Variants in RMDN2 observed in about 807,000 individuals in gnomAD.
RMDN2 encodes regulator of microtubule dynamics 2, also known as regulator of microtubule dynamics protein 2.
RMDN2 carries 61 observed loss-of-function variants against 52.8 expected under a neutral mutation model. The ratio of observed to expected loss-of-function variants is 1.16; its 90% confidence interval spans 0.94 to 1.43. The LOEUF is 1.43. RMDN2 is among the 40% of genes most tolerant of loss of function. RMDN2 has a pLI of 0.00. For missense variants in RMDN2, 592 were observed against 475.3 expected (o/e 1.25, Z -2.28); for synonymous variants, 180 against 153.1 (o/e 1.18, Z -1.30).
chr2:38,019,272 T>C (rs187761065), downstream of RMDN2, among the ~76,000 whole-genome samples: 75 of 152,342 alleles, frequency 4.9e-4, no homozygotes, highest in African/African-American at 1.8e-3. Context: ...CTTTACGAAT[T>C]ATGAGGACTA....
At chr2:38,040,939 G>A (rs1038362660) in intron 10 of RMDN2, among the ~76,000 whole-genome samples, 1 of 152,050 alleles carries the variant, frequency 6.6e-6, no homozygotes. Flanking sequence ...TACATATTTT[G>A]TTAGATTTTT....
chr2:38,037,408 G>C (rs1345234808), intron 10 of RMDN2, among the ~76,000 whole-genome samples: 2 of 152,218 alleles, frequency 1.3e-5, no homozygotes, highest in Non-Finnish European at 2.9e-5. Context: ...GTGAAGACTT[G>C]CTGACTATTC....
downstream of RMDN2, among the ~76,000 whole-genome samples, chr2:38,021,523 C>G (rs1679378414): frequency 1.3e-5 from 2 of 152,124 alleles, no homozygotes; most frequent in African/African-American, 2.4e-5. Flanking sequence ...AGCGAGACCA[C>G]AAACCCACCA....
chr2:37,928,813 A>T (rs919939990), intron 1 of RMDN2: 1 of 152,152 alleles, frequency 6.6e-6, no homozygotes, highest in Non-Finnish European at 1.5e-5. Flanking sequence ...GGCAAAAAAA[A>T]CCTGTTATTT....
At position 37,934,523 on chromosome 2, in the gene RMDN2, G is replaced by T. The variant is rs190405223; in HGVS notation, c.452+4794G>T. On this transcript the variant is annotated intron_variant, in intron 2 of 10. Transcript: ENST00000354545. ...CTTTGCTTCTTGGTAATCACATGTT[G>T]TTACTGATTTATTTATTTATATTTT... 7.0e-3 allele frequency among the ~76,000 whole-genome samples: 1,064 copies of T among 152,100 alleles called. 11 individuals carry two copies. The highest frequency in any genetic ancestry group is 0.036 in the East Asian group (185 of 5,178).
In RMDN2 at chr2:38,065,464, G is replaced by C. The variant is rs985647584; in HGVS notation, c.1714-1518G>C. On this transcript the variant is annotated intron_variant, in intron 10 of 10. Transcript: ENST00000234195. The stretch of plus-strand genomic sequence containing the variant: ...TCTGACCCAAAGGGATCTCAGTGCT[G>C]TTAGGCTTCTACTGTATAACATTGT... 4.6e-5 allele frequency among the ~76,000 whole-genome samples: 7 copies of C among 152,232 alleles called. No individual in the cohort carries two copies. In the East Asian group the frequency reaches 1.2e-3, roughly 25 times the overall value.
exon 11 of RMDN2, chr2:38,067,101 A>T: frequency 2.9e-6 from 3 of 1,035,752 alleles, no homozygotes; most frequent in Non-Finnish European, 4.5e-6. Context: ...TATTTTTACC[A>T]AGTAAAAAGA....
chr2:37,942,158 G>C (rs1250484779), intron 2 of RMDN2, among the ~76,000 whole-genome samples: 1 of 152,118 alleles, frequency 6.6e-6, no homozygotes, highest in Non-Finnish European at 1.5e-5. Flanking sequence ...AGGGGAGGGA[G>C]TTCTCCGACC....
At chr2:38,029,198 C>G (rs538623836) in intron 10 of RMDN2, 3 of 152,550 alleles carry the variant, frequency 2.0e-5, no homozygotes, top group Non-Finnish European at 4.4e-5. Flanking sequence ...CAACTGCACA[C>G]ACACACTGTC....
chr2:37,954,967 A>C (rs1669268924), intron 2 of RMDN2, among the ~76,000 whole-genome samples: 1 of 152,120 alleles, frequency 6.6e-6, no homozygotes, highest in Non-Finnish European at 1.5e-5. Context: ...TTATAAGTGA[A>C]ATTATTTTTT....
At chr2:38,000,114 A>C (rs1365762763) in intron 8 of RMDN2, among the ~76,000 whole-genome samples, 1 of 152,168 alleles carries the variant, frequency 6.6e-6, no homozygotes, top group Non-Finnish European at 1.5e-5. Flanking sequence ...CACAGCCTCA[A>C]AGCATCTAGG....
chr2:38,049,972 G>A (rs1304219801), intron 10 of RMDN2, among the ~76,000 whole-genome samples: 5 of 152,138 alleles, frequency 3.3e-5, no homozygotes, highest in Non-Finnish European at 7.3e-5. Context: ...TTTATTGTAA[G>A]TACTGTGCTT....
In RMDN2 at chr2:38,017,373, G is replaced by A; in HGVS notation, c.*134G>A. On this transcript the variant is annotated 3_prime_UTR_variant, in exon 11 of 11. Transcript: ENST00000354545. ...GATTTGAAGGTAAAGCCATGTTTCT[G>A]CAGAATGCATTCCACTAGTAGCACT... 1.4e-6 allele frequency: 2 copies of A among 1,392,650 alleles called. No homozygotes were observed. Among genetic ancestry groups the A allele is most frequent in the Non-Finnish European group, 1.9e-6 (2 of 1,067,186 alleles). The allele number at this position is 1,392,650 out of a possible 1,614,324, so 86.3% of individuals were successfully genotyped here.
chr2:38,041,881 T>C (rs1473609504), intron 10 of RMDN2, among the ~76,000 whole-genome samples: 1 of 152,220 alleles, frequency 6.6e-6, no homozygotes, highest in African/African-American at 2.4e-5. Context: ...GATTATTTTA[T>C]CATTTTCATA....
intron 10 of RMDN2, among the ~76,000 whole-genome samples, chr2:38,058,974 C>T (rs1681942481): frequency 6.6e-6 from 1 of 152,166 alleles, no homozygotes; most frequent in Non-Finnish European, 1.5e-5. Context: ...GAGTATTTCT[C>T]ATGATTCTTA....
At chr2:37,984,900 A>G (rs1439200228) in intron 5 of RMDN2, among the ~76,000 whole-genome samples, 1 of 152,184 alleles carries the variant, frequency 6.6e-6, no homozygotes, top group Non-Finnish European at 1.5e-5. Context: ...AATCAGATAC[A>G]CACACAAACA....
At chr2:37,971,968 C>T (rs1360160600) in intron 2 of RMDN2, among the ~76,000 whole-genome samples, 1 of 152,130 alleles carries the variant, frequency 6.6e-6, no homozygotes, top group African/African-American at 2.4e-5. Flanking sequence ...ATTGGGTCTT[C>T]TAAACCATGA....
rs140744465 is a variant in RMDN2 at position 37,941,835 on chromosome 2, A to C, written c.452+12106A>C. Among the ~76,000 whole-genome samples the C allele has an allele frequency of 3.3e-3, 495 of 151,652 alleles. 2 individuals carry two copies. The highest frequency in any genetic ancestry group is 0.011 in the African/African-American group (463 of 41,310). On this transcript the variant is annotated intron_variant, in intron 2 of 10. Coordinates refer to ENST00000354545, the MANE Select transcript of RMDN2 (RefSeq NM_001170791.3). ...TGGATCTTAGTTTGCTGGGCTCTGT[A>C]GGGGTGGGATCCGCTGAGCTAGGCC...
At chr2:38,011,518 C>G (rs1001716142) in intron 10 of RMDN2, among the ~76,000 whole-genome samples, 2 of 152,134 alleles carry the variant, frequency 1.3e-5, no homozygotes, top group Admixed American at 1.3e-4. Flanking sequence ...TGGAGCAATA[C>G]AAGTTCCAAT....
Sources: allele counts gnomAD v4.1 joint callset (sites outside exome capture counted in the v4.1 genomes callset), GRCh38; gene constraint gnomAD v4.1.1; transcripts MANE v1.5; gene names NCBI Gene and HGNC (gene_info 2026-07-23, HGNC 2026-07-21).